The following SH3PXD2B variants were observed in gnomAD, a reference collection of about 807,000 sequenced individuals.
SH3PXD2B encodes the protein SH3 and PX domain-containing protein 2B.
In SH3PXD2B, 37 loss-of-function variants were observed where a neutral mutation model predicts 73.1. That is an observed-to-expected ratio of 0.51 (90% CI 0.39 to 0.67). The LOEUF (loss-of-function observed/expected upper bound fraction) is 0.67. Among genes scored for constraint, SH3PXD2B ranks in the 30% least tolerant of loss-of-function variants. SH3PXD2B has a pLI of 0.00. For missense variants in SH3PXD2B, 1,053 were observed against 1,197.8 expected, an observed-to-expected ratio of 0.88 and a Z score of 1.78; for synonymous variants, 457 against 480.5, an observed-to-expected ratio of 0.95 and a Z score of 0.64.
chr5:172,353,954 A>G lies in SH3PXD2B; in HGVS notation c.719T>C (p.Met240Thr). 1 of 1,613,988 alleles carries G rather than the reference A, an allele frequency of 6.2e-7. No individual in the cohort carries two copies. The part of the protein sequence containing the change: ...YPYTARDQDE[M>T]NLERGAVVEV... ...CACCACAGCCCCTCTCTCCAGGTTC[A>G]TTTCATCCTGGTCCCGAGCTGTGTA... is the stretch of plus-strand genomic sequence containing the variant. Residue 240 changes from methionine to threonine, a missense_variant, in exon 9 of 13, where the codon ATG becomes ACG. Around this residue, in one of 2 missense-constraint regions of SH3PXD2B, gnomAD observed 466 missense variants for 607.1 expected, o/e 0.77. Transcript: ENST00000311601. The surrounding 1 kb of genome is among the most constrained non-coding windows in gnomAD (Gnocchi z 4.3).
At position 172,335,655 on chromosome 5, in the gene SH3PXD2B, G is replaced by A; in HGVS notation, c.*2714C>T. 1 of 1,231,792 alleles carries A rather than the reference G, an allele frequency of 8.1e-7. No individual in the cohort carries two copies. Among genetic ancestry groups the A allele is most frequent in the African/African-American group, 1.5e-5 (1 of 64,552 alleles). The allele number at this position is 1,231,792 out of a possible 1,614,324, so 76.3% of individuals were successfully genotyped here. ...GGGCCTGGACACTTTCTAGAGCCATGACTCCAGGGGAGTTCTGCATATGCG... is the reference window on the plus strand; with the variant it reads ...GGGCCTGGACACTTTCTAGAGCCATAACTCCAGGGGAGTTCTGCATATGCG... On this transcript the variant is annotated 3_prime_UTR_variant, in exon 13 of 13. Coordinates refer to ENST00000311601, the MANE Select transcript of SH3PXD2B (RefSeq NM_001017995.3).
chr5:172,355,098 A>C (rs938131660), intron 8 of SH3PXD2B, among the ~76,000 whole-genome samples: 4 of 152,242 alleles, frequency 2.6e-5, no homozygotes, highest in African/African-American at 9.6e-5. Flanking sequence ...TGTTTTGGTT[A>C]CATTTCCGCC....
chr5:172,401,310 T>C (rs1314525181), intron 3 of SH3PXD2B, among the ~76,000 whole-genome samples: 4 of 152,216 alleles, frequency 2.6e-5, no homozygotes, highest in Admixed American at 2.6e-4. Flanking sequence ...AGATAATTTA[T>C]CATTGGACAT....
chr5:172,332,442 T>G (rs1174517157), downstream of SH3PXD2B, among the ~76,000 whole-genome samples: 3 of 150,162 alleles, frequency 2.0e-5, 1 homozygote, highest in South Asian at 6.4e-4. Flanking sequence ...TTTTAAACTT[T>G]GAGTAGAGGA....
rs529597464 is a variant in SH3PXD2B, at chr5:172,437,491, A to G, written c.76-14995T>C. Among the ~76,000 whole-genome samples the G allele has an allele frequency of 5.3e-5, 8 of 152,198 alleles. 1 individual carries two copies. In the South Asian group the frequency reaches 1.7e-3, roughly 32 times the overall value. ...AGGTCGAGAGGCTGGGAAGTGGGTG[A>G]CATGAGATCCAATCCCAGCCCTGCC... On this transcript the variant is annotated intron_variant, in intron 1 of 12. Coordinates refer to ENST00000311601, the MANE Select transcript of SH3PXD2B (RefSeq NM_001017995.3).
chr5:172,366,288 G>A (rs1757520470), intron 6 of SH3PXD2B, among the ~76,000 whole-genome samples: 2 of 152,192 alleles, frequency 1.3e-5, no homozygotes, highest in Admixed American at 1.3e-4. Flanking sequence ...GGGGCCAGGG[G>A]AGGGGAGGGG....
chr5:172,349,415 G>A lies in SH3PXD2B; in HGVS notation c.1012+948C>T, dbSNP rs563065761. On this transcript the variant is annotated intron_variant, in intron 10 of 12. Coordinates refer to ENST00000311601, the MANE Select transcript of SH3PXD2B (RefSeq NM_001017995.3). ...ATGCAGACATGGTATGGTAGCCAGT[G>A]TGACCAGGCCGACAACAGTAATGAA... 2.6e-5 allele frequency among the ~76,000 whole-genome samples: 4 copies of A among 152,370 alleles called. No homozygotes were observed. In the East Asian group the frequency reaches 7.7e-4, roughly 29 times the overall value.
chr5:172,352,194 A>T (rs1242540531), intron 9 of SH3PXD2B, among the ~76,000 whole-genome samples: 3 of 152,190 alleles, frequency 2.0e-5, no homozygotes, highest in African/African-American at 7.2e-5. Flanking sequence ...TATTCAATAT[A>T]TGTTTGTTAT....
exon 13 of SH3PXD2B, chr5:172,325,300 G>A (rs778156008): frequency 1.8e-5 from 28 of 1,535,080 alleles, no homozygotes; most frequent in South Asian, 9.5e-5. Context: ...AAGCTGCCAC[G>A]TGCTTCCCAA....
At chr5:172,432,469 C>CCG (rs2113484974) in intron 1 of SH3PXD2B, among the ~76,000 whole-genome samples, 1 of 152,296 alleles carries the variant, frequency 6.6e-6, no homozygotes, top group South Asian at 2.1e-4. Flanking sequence ...GCTCATTCAA[C>CCG]CTCAGCTGGG....
At chr5:172,406,687 G>C (rs1758566619) in intron 2 of SH3PXD2B, among the ~76,000 whole-genome samples, 1 of 152,130 alleles carries the variant, frequency 6.6e-6, no homozygotes, top group African/African-American at 2.4e-5. Context: ...AGGTCATCCT[G>C]CTCCTAAGTA....
In SH3PXD2B at chr5:172,353,264, C is replaced by T. The variant is rs912668866; in HGVS notation, c.785+624G>A. 5.9e-5 allele frequency among the ~76,000 whole-genome samples: 9 copies of T among 152,220 alleles called. No individual in the cohort carries two copies. Among genetic ancestry groups the T allele is most frequent in the African/African-American group, 2.2e-4 (9 of 41,438 alleles). On this transcript the variant is annotated intron_variant, in intron 9 of 12. Coordinates refer to ENST00000311601, the MANE Select transcript of SH3PXD2B (RefSeq NM_001017995.3). The surrounding 1 kb of genome is among the most constrained non-coding windows in gnomAD (Gnocchi z 4.3). ...TAGATTGCAGGGACCTCGGCTTCCT[C>T]TCTTGCCCTAATTTCCCATGGTCAC...
In SH3PXD2B at chr5:172,448,821, C is replaced by T. The variant is rs113737871; in HGVS notation, c.75+5457G>A. On this transcript the variant is annotated intron_variant, in intron 1 of 12. Coordinates refer to ENST00000311601, the MANE Select transcript of SH3PXD2B (RefSeq NM_001017995.3). Reference sequence around the variant, plus strand: ...AACCCAGATGTTTACCTCTAACACCCGAGTTCTTTCCACTCAACTTTGCTG... The same window carrying T: ...AACCCAGATGTTTACCTCTAACACCTGAGTTCTTTCCACTCAACTTTGCTG... Among the ~76,000 whole-genome samples, 916 of 152,332 alleles carry T rather than the reference C, an allele frequency of 6.0e-3. 6 individuals carry two copies. Among genetic ancestry groups the T allele is most frequent in the Non-Finnish European group, 8.7e-3 (595 of 68,036 alleles).
Position 172,339,975 on chromosome 5 carries a change from G to A in SH3PXD2B, c.1189-59C>T, listed in dbSNP as rs1756816958. 6.2e-7 allele frequency: 1 copy of A among 1,604,874 alleles called. No individual in the cohort carries two copies. The highest frequency in any genetic ancestry group is 1.3e-5 in the African/African-American group (1 of 74,602). On this transcript the variant is annotated intron_variant, in intron 12 of 12. Coordinates refer to ENST00000311601, the MANE Select transcript of SH3PXD2B (RefSeq NM_001017995.3). The surrounding 1 kb of genome is among the most constrained non-coding windows in gnomAD (Gnocchi z 6.1). Reference sequence around the variant, plus strand: ...CGATGCCAGGGCCAGCAGATGGAATGGTTTGGCAGAACCCATGTGCAACTG... The same window carrying A: ...CGATGCCAGGGCCAGCAGATGGAATAGTTTGGCAGAACCCATGTGCAACTG...
intron 3 of SH3PXD2B, among the ~76,000 whole-genome samples, chr5:172,399,494 C>T (rs182030479): frequency 6.6e-6 from 1 of 152,278 alleles, no homozygotes; most frequent in Non-Finnish European, 1.5e-5. Context: ...CAAAAGAAAA[C>T]CGCAGGGAAA....
intron 1 of SH3PXD2B, among the ~76,000 whole-genome samples, chr5:172,452,931 G>C (rs190033217): frequency 6.6e-6 from 1 of 152,270 alleles, no homozygotes; most frequent in Non-Finnish European, 1.5e-5. Flanking sequence ...AGATGCCACA[G>C]GTCCAGGAAA....
intron 6 of SH3PXD2B, among the ~76,000 whole-genome samples, chr5:172,363,590 G>A (rs1457163639): frequency 3.3e-5 from 5 of 152,166 alleles, no homozygotes; most frequent in African/African-American, 9.7e-5. Context: ...CCTCCCTAAG[G>A]AGGTGACATA....
intron 2 of SH3PXD2B, among the ~76,000 whole-genome samples, chr5:172,412,490 C>G (rs1458321951): frequency 6.6e-6 from 1 of 152,218 alleles, no homozygotes; most frequent in Non-Finnish European, 1.5e-5. Context: ...TAAACCACAT[C>G]CAATTTTATT....
intron 1 of SH3PXD2B, among the ~76,000 whole-genome samples, chr5:172,453,289 G>A (rs1189009269): frequency 6.6e-6 from 1 of 151,884 alleles, no homozygotes; most frequent in Non-Finnish European, 1.5e-5. Context: ...CTCCGCCACT[G>A]CCCACTTCTC....
Sources: allele counts gnomAD v4.1 joint callset (sites outside exome capture counted in the v4.1 genomes callset), GRCh38; gene constraint gnomAD v4.1.1; regional missense constraint gnomAD v4.1.1; non-coding constraint Gnocchi (gnomAD v3.1); transcripts MANE v1.5; gene names NCBI Gene and HGNC (gene_info 2026-07-23, HGNC 2026-07-21).